The following GRID1 variants were observed in gnomAD, a reference collection of about 807,000 sequenced individuals.
GRID1 encodes the protein glutamate receptor ionotropic, delta-1.
GRID1 carries 28 observed loss-of-function variants against 98.0 expected under a neutral mutation model. The observed-to-expected ratio is 0.29, with a 90% CI of 0.21 to 0.39. The LOEUF (loss-of-function observed/expected upper bound fraction) is 0.39, where lower values mean the gene tolerates loss of function less well. Ranked by LOEUF, GRID1 falls within the 10% of genes least tolerant of loss-of-function variation. The pLI is 1.00. For synonymous variants in GRID1, 553 were observed against 538.5 expected, an observed-to-expected ratio of 1.03 and a Z score of -0.37; for missense variants, 1,111 against 1,340.5, an observed-to-expected ratio of 0.83 and a Z score of 2.67.
At chr10:86,157,198 A>T (rs951377509) in intron 3 of GRID1, among the ~76,000 whole-genome samples, 1 of 152,242 alleles carries the variant, frequency 6.6e-6, no homozygotes, top group Non-Finnish European at 1.5e-5. Flanking sequence ...ATTAAAGCAC[A>T]TCTTAATCAG....
intron 4 of GRID1, among the ~76,000 whole-genome samples, chr10:86,082,238 T>G (rs929564615): frequency 6.6e-6 from 1 of 152,154 alleles, no homozygotes; most frequent in Non-Finnish European, 1.5e-5. Flanking sequence ...TTCAGAGGTT[T>G]GAGGGGAGGG....
chr10:86,299,875 C>T (rs758089386), intron 2 of GRID1, among the ~76,000 whole-genome samples: 2 of 152,188 alleles, frequency 1.3e-5, no homozygotes, highest in African/African-American at 2.4e-5. Context: ...TTCGGCACTG[C>T]TGACAATCTC....
intron 2 of GRID1, among the ~76,000 whole-genome samples, chr10:86,240,714 G>C (rs1328408061): frequency 6.6e-6 from 1 of 152,214 alleles, no homozygotes; most frequent in African/African-American, 2.4e-5. Flanking sequence ...AGCAGCAGCT[G>C]CACGCAGTGG....
intron 2 of GRID1, among the ~76,000 whole-genome samples, chr10:86,334,234 T>A (rs1302989971): frequency 2.0e-5 from 3 of 152,184 alleles, no homozygotes; most frequent in Admixed American, 6.5e-5. Context: ...CAATTAAAAT[T>A]ATAATTAGGT....
At chr10:85,882,994 A>G (rs2131804547) in intron 5 of GRID1, among the ~76,000 whole-genome samples, 2 of 152,190 alleles carry the variant, frequency 1.3e-5, no homozygotes, top group African/African-American at 4.8e-5. Flanking sequence ...AGAAATTAGA[A>G]GCCTTAACAT....
rs376643348 is a variant in GRID1 at position 85,723,089 on chromosome 10, C to A, written c.1911G>T (p.Trp637Cys). The change falls in exon 12 of 16, where the codon TGG becomes TGT. Residue 637 changes from tryptophan (W) to cysteine (C), a missense_variant. Coordinates refer to ENST00000327946, the MANE Select transcript of GRID1 (RefSeq NM_017551.3). The part of the protein sequence containing the change: ...SMAMRIVMGS[W>C]WLFTLIVCSS... The stretch of plus-strand genomic sequence containing the variant: ...AGCACACAATGAGCGTGAAGAGCCA[C>A]CAGCTGCCCATCACGATGCGCATGG... 3.7e-6 allele frequency: 6 copies of A among 1,611,894 alleles called. No homozygotes were observed. The highest frequency in any genetic ancestry group is 5.1e-6 in the Non-Finnish European group (6 of 1,179,102).
intron 13 of GRID1, among the ~76,000 whole-genome samples, chr10:85,638,786 T>G (rs1446591459): frequency 6.6e-6 from 1 of 152,118 alleles, no homozygotes; most frequent in African/African-American, 2.4e-5. Context: ...AAGCACACAT[T>G]TTATGAAAGA....
chr10:85,804,980 G>C (rs1842609618), intron 8 of GRID1, among the ~76,000 whole-genome samples: 1 of 151,308 alleles, frequency 6.6e-6, no homozygotes, highest in South Asian at 2.1e-4. Context: ...GAAAATGAAG[G>C]AAAAAAGAGG....
At chr10:86,278,510 T>C (rs556238569) in intron 2 of GRID1, among the ~76,000 whole-genome samples, 43 of 152,080 alleles carry the variant, frequency 2.8e-4, no homozygotes, top group African/African-American at 9.2e-4. Context: ...TCTTCAAAGA[T>C]CAATAGTATT....
Position 85,647,388 on chromosome 10 carries a change from C to T in GRID1, c.2007G>A (p.Gln669=), listed in dbSNP as rs1365863442. The T allele has an allele frequency of 6.2e-7, 1 of 1,613,652 alleles. No homozygotes were observed. Among genetic ancestry groups the T allele is most frequent in the Admixed American group, 1.7e-5 (1 of 60,020 alleles). ...ACATTTCCACTTGTTTGGACAGGTC[C>T]TGGAAAGTCCTGAAATGCAGAAAGG... is the stretch of plus-strand genomic sequence containing the variant. ...SRMDNPIRTF[Q]DLSKQVEMSY... is the part of the protein sequence containing the mutation. Residue 669 remains glutamine, a synonymous_variant, in exon 13 of 16, where the codon CAG becomes CAA. Transcript: ENST00000327946.
At chr10:85,904,294 C>T (rs1474304590) in intron 5 of GRID1, among the ~76,000 whole-genome samples, 2 of 152,092 alleles carry the variant, frequency 1.3e-5, no homozygotes, top group Non-Finnish European at 1.5e-5. Flanking sequence ...TGAAGAATAG[C>T]GATCCTTCAA....
intron 4 of GRID1, among the ~76,000 whole-genome samples, chr10:85,993,438 T>A (rs1842705618): frequency 6.6e-6 from 1 of 152,208 alleles, no homozygotes; most frequent in African/African-American, 2.4e-5. Flanking sequence ...GCAAATATTT[T>A]AAAAGCATGG....
At chr10:86,232,321 A>G (rs1414150349) in intron 2 of GRID1, among the ~76,000 whole-genome samples, 3 of 152,194 alleles carry the variant, frequency 2.0e-5, no homozygotes, top group Admixed American at 1.3e-4. Context: ...TGATACACTG[A>G]GGGTTCTCTG....
chr10:86,063,237 G>A (rs556119981), intron 4 of GRID1, among the ~76,000 whole-genome samples: 9 of 152,340 alleles, frequency 5.9e-5, no homozygotes, highest in South Asian at 4.1e-4. Context: ...TGCTCAGGTG[G>A]AAATGGTGAG....
intron 12 of GRID1, among the ~76,000 whole-genome samples, chr10:85,656,744 A>C (rs1840899699): frequency 6.6e-6 from 1 of 152,142 alleles, no homozygotes; most frequent in Admixed American, 6.5e-5. Context: ...TATCTCTTCT[A>C]TCAAGATACA....
intron 7 of GRID1, among the ~76,000 whole-genome samples, chr10:85,855,538 C>T (rs1429744376): frequency 1.3e-5 from 2 of 152,202 alleles, no homozygotes. Flanking sequence ...TATGGATTTC[C>T]CTAAATGCTC....
At chr10:86,107,275 C>T (rs573546242) in intron 4 of GRID1, among the ~76,000 whole-genome samples, 3 of 152,324 alleles carry the variant, frequency 2.0e-5, no homozygotes, top group Admixed American at 6.5e-5. Flanking sequence ...GTGGCCCTGC[C>T]CTGGCCCAAA....
chr10:86,095,709 A>T (rs1041546916), intron 4 of GRID1, among the ~76,000 whole-genome samples: 1 of 152,210 alleles, frequency 6.6e-6, no homozygotes, highest in Non-Finnish European at 1.5e-5. Flanking sequence ...AATTTTTTTA[A>T]AAGTAGATGT....
intron 8 of GRID1, among the ~76,000 whole-genome samples, chr10:85,779,544 A>G (rs562970932): frequency 9.2e-5 from 14 of 152,004 alleles, no homozygotes; most frequent in Non-Finnish European, 8.8e-5. Context: ...CAAATCAGAA[A>G]GGACAGGCTC....
Sources: gnomAD v4.1 joint callset for allele counts (sites outside exome capture counted in the v4.1 genomes callset) on GRCh38, gnomAD v4.1.1 for gene constraint, MANE v1.5 for transcripts, NCBI Gene and HGNC (gene_info 2026-07-23, HGNC 2026-07-21) for gene names.